The following PCSK2 variants were observed in gnomAD, a reference collection of about 807,000 sequenced individuals.
The protein encoded by PCSK2 is proprotein convertase subtilisin/kexin type 2, also known as neuroendocrine convertase 2.
A neutral mutation model predicts 69.7 loss-of-function variants in PCSK2; 14 were observed. The observed-to-expected ratio is 0.20, with a 90% CI of 0.13 to 0.31. The LOEUF (loss-of-function observed/expected upper bound fraction) is 0.31. PCSK2 is among the 10% of genes least tolerant of loss of function. The pLI, the probability that PCSK2 is intolerant of heterozygous loss-of-function variation, is 1.00. For missense variants in PCSK2, 544 were observed against 842.5 expected (o/e 0.65, Z 4.39); for synonymous variants, 307 against 320.7 (o/e 0.96, Z 0.46).
At chr20:17,371,397 A>C (rs2030758224) in intron 5 of PCSK2, among the ~76,000 whole-genome samples, 1 of 152,206 alleles carries the variant, frequency 6.6e-6, no homozygotes, top group African/African-American at 2.4e-5. Context: ...CCTTCATCTG[A>C]AATTGGAATG....
rs564680092 is a variant in PCSK2 at position 17,424,557 on chromosome 20, G to A, written c.621-4878G>A. On this transcript the variant is annotated intron_variant, in intron 6 of 11. Coordinates refer to ENST00000262545, the MANE Select transcript of PCSK2 (RefSeq NM_002594.5). ...GCCCAGGCTGGAGTGCAGTGGCTCCGTCTCGGCTCACTGTGACCTCCGCCT... is the reference window on the plus strand; with the variant it reads ...GCCCAGGCTGGAGTGCAGTGGCTCCATCTCGGCTCACTGTGACCTCCGCCT... Among the ~76,000 whole-genome samples, 56 of 150,056 alleles carry A rather than the reference G, an allele frequency of 3.7e-4. 2 individuals carry two copies. The East Asian group carries it at 0.01, about 27-fold the overall frequency.
rs559455936 is a variant in PCSK2, at chr20:17,253,405, T to G, written c.178-6835T>G. On this transcript the variant is annotated intron_variant, in intron 1 of 11. Coordinates refer to ENST00000262545, the MANE Select transcript of PCSK2 (RefSeq NM_002594.5). ...AGCCCCAGGCAACCACTAATCTAAT[T>G]TCCAGCTCTATAGATTTGTCTATTC... Among the ~76,000 whole-genome samples, 4 of 152,270 alleles carry G rather than the reference T, an allele frequency of 2.6e-5. No homozygotes were observed. In the South Asian group the frequency reaches 8.3e-4, roughly 32 times the overall value.
At chr20:17,449,133 T>C (rs894373267) in intron 8 of PCSK2, among the ~76,000 whole-genome samples, 2 of 152,088 alleles carry the variant, frequency 1.3e-5, no homozygotes, top group Non-Finnish European at 2.9e-5. Context: ...GCCTCAAGGC[T>C]CCACTTCCCA....
intron 11 of PCSK2, chr20:17,479,165 A>G: frequency 7.2e-7 from 1 of 1,391,266 alleles, no homozygotes; most frequent in Admixed American, 1.7e-5. Flanking sequence ...GTTCCATCAG[A>G]TGTGGTATCC....
intron 5 of PCSK2, among the ~76,000 whole-genome samples, chr20:17,386,409 G>A (rs2031235235): frequency 6.6e-6 from 1 of 152,084 alleles, no homozygotes; most frequent in Non-Finnish European, 1.5e-5. Flanking sequence ...ATATTATTCA[G>A]CCTTTTTATC....
chr20:17,254,168 G>A (rs568119776), intron 1 of PCSK2, among the ~76,000 whole-genome samples: 3 of 152,060 alleles, frequency 2.0e-5, no homozygotes, highest in African/African-American at 4.8e-5. Context: ...TTGTCTTTTC[G>A]TTTCCTTCGC....
intron 8 of PCSK2, among the ~76,000 whole-genome samples, chr20:17,440,264 A>G (rs2032569046): frequency 6.6e-6 from 1 of 152,072 alleles, no homozygotes; most frequent in African/African-American, 2.4e-5. Flanking sequence ...CTCCCCTCCC[A>G]CAGATGCCGC....
chr20:17,377,469 T>A (rs1170300608), intron 5 of PCSK2, among the ~76,000 whole-genome samples: 1 of 152,202 alleles, frequency 6.6e-6, no homozygotes, highest in African/African-American at 2.4e-5. Flanking sequence ...GCCTCCATGA[T>A]AAAAGGGCGA....
chr20:17,333,823 G>A (rs1990266244), intron 2 of PCSK2, among the ~76,000 whole-genome samples: 1 of 149,942 alleles, frequency 6.7e-6, no homozygotes, highest in East Asian at 2.0e-4. Flanking sequence ...AGTGTAAAGG[G>A]CTAAGAACCG....
chr20:17,411,141 TCTGGTCTG>T (rs1159845364), intron 6 of PCSK2, among the ~76,000 whole-genome samples: 1 of 152,116 alleles, frequency 6.6e-6, no homozygotes, highest in African/African-American at 2.4e-5. Context: ...TAGGAACAGC[TCTGGTCTG>T]CAGCTCCCAG....
chr20:17,472,821 C>T (rs1407457751), intron 11 of PCSK2, among the ~76,000 whole-genome samples: 1 of 152,170 alleles, frequency 6.6e-6, no homozygotes, highest in Non-Finnish European at 1.5e-5. Flanking sequence ...CCTGCCTTGG[C>T]CTCCCAAAGT....
intron 4 of PCSK2, among the ~76,000 whole-genome samples, chr20:17,362,531 C>T (rs975164638): frequency 6.6e-6 from 1 of 152,198 alleles, no homozygotes; most frequent in African/African-American, 2.4e-5. Context: ...TGAAAAGGCT[C>T]AGCCTCCCTC....
intron 1 of PCSK2, among the ~76,000 whole-genome samples, chr20:17,259,052 T>C (rs722798): frequency 0.48 from 73,531 of 151,636 alleles, 18,020 homozygotes; most frequent in East Asian, 0.66. Context: ...TGAGCCACAC[T>C]GAGGTTCTAT....
intron 5 of PCSK2, among the ~76,000 whole-genome samples, chr20:17,404,097 G>A (rs1338044763): frequency 1.3e-5 from 2 of 152,192 alleles, no homozygotes; most frequent in African/African-American, 4.8e-5. Context: ...ACCTTGGGGT[G>A]TGGGGGTGGT....
In PCSK2 at chr20:17,231,832, A is replaced by G. The variant is rs540514700; in HGVS notation, c.177+4350A>G. Among the ~76,000 whole-genome samples the G allele has an allele frequency of 3.9e-5, 6 of 152,090 alleles. No individual in the cohort carries two copies. The South Asian group carries it at 1.2e-3, about 32-fold the overall frequency. On this transcript the variant is annotated intron_variant, in intron 1 of 11. Transcript: ENST00000262545. Reference sequence around the variant, plus strand: ...CTGAGCATTTTCACGGCTTTAAAGGAATTGAGTTTCTTGTGGTTTTAGACC... The same window carrying G: ...CTGAGCATTTTCACGGCTTTAAAGGGATTGAGTTTCTTGTGGTTTTAGACC...
chr20:17,282,641 T>G (rs562090584), intron 2 of PCSK2, among the ~76,000 whole-genome samples: 85 of 150,202 alleles, frequency 5.7e-4, no homozygotes, highest in Non-Finnish European at 9.7e-4. Context: ...ACAGCCACAT[T>G]AATTAAAGGA....
Position 17,482,760 on chromosome 20 carries a change from A to G in PCSK2, c.*690A>G, listed in dbSNP as rs2033432129. 1 of 152,482 alleles carries G rather than the reference A, an allele frequency of 6.6e-6. No individual in the cohort carries two copies. The highest frequency in any genetic ancestry group is 1.5e-5 in the Non-Finnish European group (1 of 68,040). The allele number at this position is 152,482 out of a possible 1,614,324, so 9.4% of individuals were successfully genotyped here. A position where few individuals can be genotyped will look rare whatever the true frequency, so the allele number is the denominator to read the frequency against. ...GGCGTGGCAAATATAAAACTTACAG[A>G]GCGTGGCTGTGCTCTCACCAGCTGC... is the stretch of plus-strand genomic sequence containing the variant. On this transcript the variant is annotated 3_prime_UTR_variant, in exon 12 of 12. Coordinates refer to ENST00000262545, the MANE Select transcript of PCSK2 (RefSeq NM_002594.5).
intron 4 of PCSK2, among the ~76,000 whole-genome samples, chr20:17,361,986 CCATTTCTAA>C (rs1486120695): frequency 6.6e-6 from 1 of 152,198 alleles, no homozygotes; most frequent in Non-Finnish European, 1.5e-5. Flanking sequence ...ATTGTCATGA[CCATTTCTAA>C]CAGCATATCC....
chr20:17,280,911 C>T (rs781548008), intron 2 of PCSK2, among the ~76,000 whole-genome samples: 5 of 152,190 alleles, frequency 3.3e-5, no homozygotes, highest in Non-Finnish European at 4.4e-5. Context: ...TTTCAGCAAC[C>T]TCAGTGGATT....
Sources: gnomAD v4.1 joint callset for allele counts (sites outside exome capture counted in the v4.1 genomes callset) on GRCh38, gnomAD v4.1.1 for gene constraint, MANE v1.5 for transcripts, NCBI Gene and HGNC (gene_info 2026-07-23, HGNC 2026-07-21) for gene names.